The following SLC8A1 variants were observed in gnomAD, a reference collection of about 807,000 sequenced individuals.
SLC8A1 encodes solute carrier family 8 member A1, also known as sodium/calcium exchanger 1.
Under a neutral mutation model 68.3 loss-of-function variants are expected in SLC8A1, and 18 were observed. That is an observed-to-expected ratio of 0.26 (90% CI 0.18 to 0.39). The LOEUF (loss-of-function observed/expected upper bound fraction) is 0.39, where lower values mean the gene tolerates loss of function less well. Ranked by LOEUF, SLC8A1 falls within the 10% of genes least tolerant of loss-of-function variation. SLC8A1 has a pLI of 1.00. For synonymous variants in SLC8A1, 475 were observed against 415.5 expected (o/e 1.14, Z -1.74); for missense variants, 985 against 1,156.7 (o/e 0.85, Z 2.15).
intron 2 of SLC8A1, among the ~76,000 whole-genome samples, chr2:40,233,755 T>C (rs2059992803): frequency 1.3e-5 from 2 of 151,640 alleles, no homozygotes; most frequent in Admixed American, 6.6e-5. Flanking sequence ...CTTTAATCCA[T>C]CTTGAACTGA....
At chr2:40,145,069 C>T (rs563600863) in intron 6 of SLC8A1, among the ~76,000 whole-genome samples, 1 of 152,174 alleles carries the variant, frequency 6.6e-6, no homozygotes, top group Non-Finnish European at 1.5e-5. Context: ...TCTCTCATTG[C>T]CTGCCCCAAC....
intron 2 of SLC8A1, among the ~76,000 whole-genome samples, chr2:40,351,031 T>A (rs10180986): frequency 0.17 from 25,554 of 152,056 alleles, 4,151 homozygotes; most frequent in African/African-American, 0.43. Flanking sequence ...TATAATGCAA[T>A]ATTAAATTAT....
intron 7 of SLC8A1, among the ~76,000 whole-genome samples, chr2:40,135,624 A>T (rs371372158): frequency 2.6e-5 from 4 of 152,298 alleles, no homozygotes; most frequent in African/African-American, 9.6e-5. Context: ...AGGCTGAGGC[A>T]GGAGACTTGC....
At chr2:40,259,503 A>G (rs1241887733) in intron 2 of SLC8A1, among the ~76,000 whole-genome samples, 1 of 152,096 alleles carries the variant, frequency 6.6e-6, no homozygotes, top group Non-Finnish European at 1.5e-5. Flanking sequence ...ATTTTTAAAA[A>G]TAGGGTCTCA....
intron 2 of SLC8A1, among the ~76,000 whole-genome samples, chr2:40,229,503 T>C (rs145964976): frequency 1.3e-5 from 2 of 152,294 alleles, no homozygotes; most frequent in African/African-American, 4.8e-5. Flanking sequence ...GTGTTATCTG[T>C]GCAGCTGCAA....
chr2:40,122,650 T>C (rs2037173411), intron 7 of SLC8A1, among the ~76,000 whole-genome samples: 1 of 152,092 alleles, frequency 6.6e-6, no homozygotes. Context: ...TTGGTATTTA[T>C]CAAAGCTTCC....
chr2:40,409,954 G>T (rs1258179388), intron 2 of SLC8A1, among the ~76,000 whole-genome samples: 1 of 151,454 alleles, frequency 6.6e-6, no homozygotes, highest in Admixed American at 6.6e-5. Context: ...CTGTGAGCGA[G>T]TTTAAAATAA....
upstream of SLC8A1, among the ~76,000 whole-genome samples, chr2:40,452,664 T>A (rs1311396347): frequency 6.6e-6 from 1 of 150,792 alleles, no homozygotes; most frequent in Non-Finnish European, 1.5e-5. Context: ...CATATATCAA[T>A]GATTTTTTTT....
exon 2 of SLC8A1, chr2:40,429,564 G>C (rs766621159): frequency 1.2e-6 from 2 of 1,613,680 alleles, no homozygotes; most frequent in East Asian, 2.2e-5. Context: ...GAAAGAAGAA[G>C]AAAGTAAGCA....
At chr2:40,301,055 A>C (rs753167832) in intron 2 of SLC8A1, among the ~76,000 whole-genome samples, 14 of 152,186 alleles carry the variant, frequency 9.2e-5, no homozygotes, top group Non-Finnish European at 2.1e-4. Context: ...AAAAACGTTC[A>C]AGGAAGTTCA....
upstream of SLC8A1, among the ~76,000 whole-genome samples, chr2:40,456,322 A>T (rs1703019217): frequency 6.6e-6 from 1 of 151,508 alleles, no homozygotes; most frequent in Non-Finnish European, 1.5e-5. Context: ...GTCTCAAAAA[A>T]AAAAAAAAAA....
chr2:40,495,890 C>A (rs545759346), intron 1 of SLC8A1, among the ~76,000 whole-genome samples: 1 of 152,164 alleles, frequency 6.6e-6, no homozygotes, highest in Admixed American at 6.6e-5. Flanking sequence ...TCATAAAGAA[C>A]TGTCAATGAT....
At chr2:40,124,348 A>G (rs1359148884) in intron 7 of SLC8A1, among the ~76,000 whole-genome samples, 1 of 152,194 alleles carries the variant, frequency 6.6e-6, no homozygotes, top group Non-Finnish European at 1.5e-5. Flanking sequence ...CACTCCAGAG[A>G]CACTTTTTTG....
chr2:40,308,203 G>A (rs1032305124), intron 2 of SLC8A1, among the ~76,000 whole-genome samples: 2 of 152,138 alleles, frequency 1.3e-5, no homozygotes, highest in African/African-American at 4.8e-5. Flanking sequence ...GGTGCCTCAT[G>A]ATTCGTGGCA....
chr2:40,355,969 C>T (rs550914554), intron 2 of SLC8A1, among the ~76,000 whole-genome samples: 28 of 152,148 alleles, frequency 1.8e-4, no homozygotes, highest in Non-Finnish European at 3.8e-4. Flanking sequence ...ATGGATTGAA[C>T]CTACGACATG....
intron 2 of SLC8A1, among the ~76,000 whole-genome samples, chr2:40,180,629 T>C (rs1049148619): frequency 6.6e-6 from 1 of 152,220 alleles, no homozygotes; most frequent in Non-Finnish European, 1.5e-5. Flanking sequence ...TGCTTCATTG[T>C]AGGGTACATC....
At chr2:40,449,263 G>A (rs1282335888) in intron 1 of SLC8A1, among the ~76,000 whole-genome samples, 3 of 151,708 alleles carry the variant, frequency 2.0e-5, no homozygotes, top group Non-Finnish European at 4.4e-5. Context: ...GAATGCCTTG[G>A]CTGGCTTTTT....
chr2:40,364,882 G>C (rs1675641510), intron 2 of SLC8A1, among the ~76,000 whole-genome samples: 1 of 151,644 alleles, frequency 6.6e-6, no homozygotes, highest in Non-Finnish European at 1.5e-5. Flanking sequence ...TTTTTTTCTT[G>C]AGAAATGACA....
intron 2 of SLC8A1, among the ~76,000 whole-genome samples, chr2:40,256,963 A>G (rs1006789600): frequency 6.6e-6 from 1 of 152,156 alleles, no homozygotes; most frequent in African/African-American, 2.4e-5. Flanking sequence ...ACTCAGCCCC[A>G]AAAGTCTCTG....
Sources: allele counts gnomAD v4.1 joint callset (sites outside exome capture counted in the v4.1 genomes callset), GRCh38; gene constraint gnomAD v4.1.1; transcripts MANE v1.5; gene names NCBI Gene and HGNC (gene_info 2026-07-23, HGNC 2026-07-21).